XKR4: variants seen among roughly 807,000 people sequenced by gnomAD.
The protein encoded by XKR4 is XK-related protein 4.
In XKR4, 12 loss-of-function variants were observed where a neutral mutation model predicts 53.9. That is an observed-to-expected ratio of 0.22 (90% CI 0.14 to 0.36). XKR4 has a LOEUF of 0.36. Ranked by LOEUF, XKR4 falls within the 10% of genes least tolerant of loss-of-function variation. The probability of loss-of-function intolerance (pLI) is 1.00; values close to 1 mark genes in which losing one functional copy is unlikely to be tolerated. For missense variants in XKR4, 799 were observed against 859.5 expected (o/e 0.93, Z 0.88); for synonymous variants, 354 against 362.4 (o/e 0.98, Z 0.26).
At chr8:55,439,757 C>G (rs569050164) in intron 2 of XKR4, among the ~76,000 whole-genome samples, 5 of 152,170 alleles carry the variant, frequency 3.3e-5, no homozygotes, top group African/African-American at 9.6e-5. Flanking sequence ...TTTAATTGTA[C>G]TTCCAGAAAA....
intron 1 of XKR4, among the ~76,000 whole-genome samples, chr8:55,331,399 T>C (rs990825266): frequency 1.3e-5 from 2 of 152,248 alleles, no homozygotes; most frequent in African/African-American, 2.4e-5. Context: ...GAATATCTCA[T>C]GTGCATTTGA....
In XKR4 at chr8:55,334,138, A is replaced by G. The variant is rs76927811; in HGVS notation, c.807-23540A>G. Among the ~76,000 whole-genome samples the G allele has an allele frequency of 4.0e-3, 614 of 152,288 alleles. 16 individuals are homozygous for G. The East Asian group carries it at 0.051, about 13-fold the overall frequency. Reference sequence around the variant, plus strand: ...ACTAATTAAACAAACCTAAGTTATAAACATAGAGGACATTACCTCATAGAT... The same window carrying G: ...ACTAATTAAACAAACCTAAGTTATAGACATAGAGGACATTACCTCATAGAT... On this transcript the variant is annotated intron_variant, in intron 1 of 2. Transcript: ENST00000327381.
chr8:55,350,742 T>C lies in XKR4; in HGVS notation c.807-6936T>C, dbSNP rs566468215. ...GTTTTCTTTTCTTTTTCTTTTCTTT[T>C]TTTTTTTTTTTTTTTGAGACAGAGT... On this transcript the variant is annotated intron_variant, in intron 1 of 2. Transcript: ENST00000327381. Among the ~76,000 whole-genome samples the C allele has an allele frequency of 2.8e-4, 41 of 145,178 alleles. 1 individual carries two copies. The South Asian group carries it at 6.7e-3, about 24-fold the overall frequency.
At chr8:55,142,444 G>A (rs1022172084) in intron 1 of XKR4, 3 of 195,256 alleles carry the variant, frequency 1.5e-5, no homozygotes, top group Admixed American at 1.1e-4. Flanking sequence ...CTCCTGAAAA[G>A]CAGGCCCCAG....
chr8:55,416,478 G>GT (rs1804847256), intron 2 of XKR4, among the ~76,000 whole-genome samples: 2 of 152,152 alleles, frequency 1.3e-5, no homozygotes, highest in Non-Finnish European at 2.9e-5. Context: ...TGACTGCAGG[G>GT]TGCTCAAGGA....
intron 2 of XKR4, among the ~76,000 whole-genome samples, chr8:55,410,749 G>T (rs534853153): frequency 6.6e-6 from 1 of 152,064 alleles, no homozygotes; most frequent in Non-Finnish European, 1.5e-5. Context: ...CTGTAACACA[G>T]GTGTCTCATG....
At chr8:55,147,575 C>T (rs1039663955) in intron 1 of XKR4, among the ~76,000 whole-genome samples, 8 of 152,090 alleles carry the variant, frequency 5.3e-5, no homozygotes, top group African/African-American at 1.9e-4. Flanking sequence ...AGTTCCTGTC[C>T]GAGGAGGCAA....
intron 1 of XKR4, among the ~76,000 whole-genome samples, chr8:55,348,635 G>C (rs1803683791): frequency 7.1e-6 from 1 of 141,732 alleles, no homozygotes; most frequent in Admixed American, 6.9e-5. Flanking sequence ...GGATAGACTG[G>C]ATGAATAGAG....
At chr8:55,453,706 C>T (rs987954109) in intron 2 of XKR4, 24 of 392,352 alleles carry the variant, frequency 6.1e-5, no homozygotes, top group Middle Eastern at 5.2e-4. Context: ...TGCTGTCACC[C>T]GGCCTCTGCA....
chr8:55,450,450 A>C, intron 2 of XKR4: 1 of 585,786 alleles, frequency 1.7e-6, no homozygotes, highest in Non-Finnish European at 3.2e-6. Context: ...AGAGACCTGC[A>C]AGGCAGCTGG....
chr8:55,309,915 G>C (rs529037394), intron 1 of XKR4, among the ~76,000 whole-genome samples: 13 of 152,244 alleles, frequency 8.5e-5, no homozygotes, highest in African/African-American at 3.1e-4. Flanking sequence ...TCATTTAGAG[G>C]CTTTTCATTA....
chr8:55,284,103 A>G (rs1396276964), intron 1 of XKR4, among the ~76,000 whole-genome samples: 1 of 152,152 alleles, frequency 6.6e-6, no homozygotes, highest in Non-Finnish European at 1.5e-5. Flanking sequence ...TTTTCTAATA[A>G]TAAAGAGAGA....
intron 1 of XKR4, among the ~76,000 whole-genome samples, chr8:55,212,015 G>A (rs1002283219): frequency 3.1e-4 from 47 of 152,238 alleles, no homozygotes; most frequent in African/African-American, 1.1e-3. Flanking sequence ...GGGGGTGGAG[G>A]GGCAGGGAGC....
intron 2 of XKR4, among the ~76,000 whole-genome samples, chr8:55,513,623 G>T (rs1210637758): frequency 6.6e-6 from 1 of 152,190 alleles, no homozygotes; most frequent in Non-Finnish European, 1.5e-5. Flanking sequence ...TTTTCAAGAG[G>T]TTTATTCATG....
rs1807090237 is a variant in XKR4 at position 55,540,743 on chromosome 8, T to C, written c.*16516T>C. ...AAAGCAAGAGCAAAATCATCCTTCCTATGGATTCTTTTCTCAGTGTTTACT... is the reference window on the plus strand; with the variant it reads ...AAAGCAAGAGCAAAATCATCCTTCCCATGGATTCTTTTCTCAGTGTTTACT... On this transcript the variant is annotated 3_prime_UTR_variant, in exon 3 of 3. Transcript: ENST00000327381. The C allele has an allele frequency of 6.6e-6, 1 of 152,238 alleles. No homozygotes were observed. Among genetic ancestry groups the C allele is most frequent in the Admixed American group, 6.5e-5 (1 of 15,276 alleles). The allele number at this position is 152,238 out of a possible 1,614,324, so 9.4% of individuals were successfully genotyped here. A position where few individuals can be genotyped will look rare whatever the true frequency, so the allele number is the denominator to read the frequency against.
At chr8:55,302,550 G>A (rs1223273360) in intron 1 of XKR4, among the ~76,000 whole-genome samples, 1 of 152,196 alleles carries the variant, frequency 6.6e-6, no homozygotes, top group Non-Finnish European at 1.5e-5. Flanking sequence ...TTGGTAGCTT[G>A]ATGGGGATGG....
intron 1 of XKR4, among the ~76,000 whole-genome samples, chr8:55,274,653 G>A (rs1216508500): frequency 2.0e-5 from 3 of 151,966 alleles, no homozygotes; most frequent in Admixed American, 6.6e-5. Flanking sequence ...GGCTGGTCTC[G>A]AACTCCTGGC....
Position 55,538,198 on chromosome 8 carries a change from A to G in XKR4, c.*13971A>G, listed in dbSNP as rs1347288710. 1 of 152,180 alleles carries G rather than the reference A, an allele frequency of 6.6e-6. No homozygotes were observed. Among genetic ancestry groups the G allele is most frequent in the Non-Finnish European group, 1.5e-5 (1 of 68,046 alleles). The allele number at this position is 152,180 out of a possible 1,614,324, so 9.4% of individuals were successfully genotyped here. ...CAAAGGAACTGGGAATCTCTGCACA[A>G]CTGAGCCCTAATCCCTGGTCCATCT... On this transcript the variant is annotated 3_prime_UTR_variant, in exon 3 of 3. Transcript: ENST00000327381.
chr8:55,471,961 A>C (rs1488944920), intron 2 of XKR4, among the ~76,000 whole-genome samples: 1 of 152,150 alleles, frequency 6.6e-6, no homozygotes, highest in African/African-American at 2.4e-5. Context: ...ACCCAACTTT[A>C]GGTATTTCTT....
Sources: gnomAD v4.1 joint callset for allele counts (sites outside exome capture counted in the v4.1 genomes callset) on GRCh38, gnomAD v4.1.1 for gene constraint, MANE v1.5 for transcripts, NCBI Gene and HGNC (gene_info 2026-07-23, HGNC 2026-07-21) for gene names.